Variants in KCNQ5 observed in about 807,000 individuals in gnomAD.
KCNQ5 encodes potassium voltage-gated channel subfamily Q member 5.
Under a neutral mutation model 98.2 loss-of-function variants are expected in KCNQ5, and 30 were observed. The ratio of observed to expected loss-of-function variants is 0.31; its 90% CI spans 0.23 to 0.41. The LOEUF is 0.41. Among genes scored for constraint, KCNQ5 ranks in the 10% least tolerant of loss-of-function variants. KCNQ5 has a pLI of 1.00. For missense variants in KCNQ5, 835 were observed against 1,182.5 expected (o/e 0.71, Z 4.31); for synonymous variants, 458 against 449.4 (o/e 1.02, Z -0.24).
At chr6:72,779,853 G>GTGTGTGTGTATGTGTGTA (rs1773368006) in intron 1 of KCNQ5, among the ~76,000 whole-genome samples, 1 of 147,652 alleles carries the variant, frequency 6.8e-6, no homozygotes, top group African/African-American at 2.5e-5. Context: ...GTGTGTGTGT[G>GTGTGTGTGTATGTGTGTA]TGTGTGTGTG....
intron 2 of KCNQ5, among the ~76,000 whole-genome samples, chr6:73,041,327 C>A (rs187197383): frequency 6.6e-6 from 1 of 152,190 alleles, no homozygotes; most frequent in Non-Finnish European, 1.5e-5. Flanking sequence ...TAATAATTAA[C>A]AAGCTTCAGA....
chr6:72,930,971 T>C, intron 1 of KCNQ5, among the ~76,000 whole-genome samples: 1 of 152,204 alleles, frequency 6.6e-6, no homozygotes, highest in East Asian at 1.9e-4. Context: ...CATTGAACTT[T>C]TACGTTTGTT....
intron 4 of KCNQ5, 109 bp from the exon 5 acceptor site, chr6:73,077,653 A>T: frequency 2.4e-6 from 3 of 1,270,290 alleles, no homozygotes; most frequent in Non-Finnish European, 3.2e-6. Context: ...TTTAAGAGCC[A>T]TCATAAACAT....
At chr6:73,062,199 A>G (rs1222930856) in intron 3 of KCNQ5, among the ~76,000 whole-genome samples, 8 of 152,170 alleles carry the variant, frequency 5.3e-5, no homozygotes, top group Non-Finnish European at 8.8e-5. Context: ...TTATGGCTTC[A>G]TCTATGTTTC....
intron 1 of KCNQ5, among the ~76,000 whole-genome samples, chr6:72,919,692 T>C (rs2150215347): frequency 6.6e-6 from 1 of 152,252 alleles, no homozygotes; most frequent in Non-Finnish European, 1.5e-5. Context: ...GTAAAAAATA[T>C]AACTTCAGGA....
intron 1 of KCNQ5, among the ~76,000 whole-genome samples, chr6:72,999,079 T>TG (rs1428183082): frequency 6.6e-6 from 1 of 152,226 alleles, no homozygotes; most frequent in Non-Finnish European, 1.5e-5. Flanking sequence ...AGAGCTTTTC[T>TG]GAATGTTTTA....
chr6:73,088,559 TCA>T (rs1774089323), intron 5 of KCNQ5, among the ~76,000 whole-genome samples: 1 of 152,220 alleles, frequency 6.6e-6, no homozygotes, highest in South Asian at 2.1e-4. Context: ...TTTTGTAATC[TCA>T]GTTATGCACA....
At chr6:72,690,854 C>T (rs1019392721) in intron 1 of KCNQ5, among the ~76,000 whole-genome samples, 1 of 151,602 alleles carries the variant, frequency 6.6e-6, no homozygotes, top group African/African-American at 2.4e-5. Flanking sequence ...TTTAGAATAC[C>T]ATATATAAAT....
At chr6:73,055,067 T>G (rs929141978) in intron 3 of KCNQ5, 6 of 650,710 alleles carry the variant, frequency 9.2e-6, no homozygotes. Context: ...GAGAGCCAAA[T>G]CAAGAATGCT....
At chr6:73,145,215 A>G (rs1776875516) in intron 10 of KCNQ5, among the ~76,000 whole-genome samples, 1 of 152,210 alleles carries the variant, frequency 6.6e-6, no homozygotes, top group African/African-American at 2.4e-5. Context: ...TTGGCTAGAC[A>G]TTTTCTATGA....
intron 1 of KCNQ5, among the ~76,000 whole-genome samples, chr6:72,902,351 C>T (rs774283586): frequency 3.9e-5 from 6 of 152,096 alleles, no homozygotes; most frequent in Non-Finnish European, 5.9e-5. Context: ...CTTGTCTGAT[C>T]GCTCTGGCTA....
At chr6:72,928,847 A>T (rs1255409935) in intron 1 of KCNQ5, among the ~76,000 whole-genome samples, 1 of 152,038 alleles carries the variant, frequency 6.6e-6, no homozygotes, top group African/African-American at 2.4e-5. Context: ...TAAGCTCTTT[A>T]TTTTTTATTC....
chr6:72,983,019 T>C (rs938559387), intron 1 of KCNQ5, among the ~76,000 whole-genome samples: 1 of 152,224 alleles, frequency 6.6e-6, no homozygotes, highest in Admixed American at 6.5e-5. Flanking sequence ...TCTGGCTTGT[T>C]GAGTTTCTGC....
intron 1 of KCNQ5, among the ~76,000 whole-genome samples, chr6:72,962,206 T>C (rs912034181): frequency 3.9e-5 from 5 of 128,144 alleles, no homozygotes; most frequent in African/African-American, 1.1e-4. Flanking sequence ...TATATACATA[T>C]ATATATATAT....
intron 10 of KCNQ5, among the ~76,000 whole-genome samples, chr6:73,137,749 T>C (rs1776531098): frequency 6.6e-6 from 1 of 152,192 alleles, no homozygotes. Context: ...GCCCAAGGTC[T>C]AGCAGGTATA....
At chr6:73,098,523 C>A (rs957624075) in intron 5 of KCNQ5, among the ~76,000 whole-genome samples, 1 of 152,132 alleles carries the variant, frequency 6.6e-6, no homozygotes, top group Non-Finnish European at 1.5e-5. Context: ...AAATAAATAA[C>A]GTGCAATGGA....
intron 1 of KCNQ5, among the ~76,000 whole-genome samples, chr6:72,647,998 ATGTATGTAACAAACCCAC>A (rs1582041804): frequency 3.3e-5 from 5 of 152,194 alleles, no homozygotes; most frequent in Admixed American, 3.3e-4. Flanking sequence ...GGATTAGAAC[ATGTATGTAACAAACCCAC>A]TCCCAGGGAA....
intron 2 of KCNQ5, among the ~76,000 whole-genome samples, chr6:73,025,226 A>G (rs752814186): frequency 1.3e-5 from 2 of 152,246 alleles, no homozygotes; most frequent in Non-Finnish European, 2.9e-5. Context: ...AAGGATGGCA[A>G]TTTTACCAAA....
chr6:73,126,305 G>A (rs905508458), intron 9 of KCNQ5, among the ~76,000 whole-genome samples: 1 of 152,174 alleles, frequency 6.6e-6, no homozygotes, highest in Non-Finnish European at 1.5e-5. Context: ...ACCTAAAAGA[G>A]AAGTTTGTAA....
Sources: allele counts gnomAD v4.1 joint callset (sites outside exome capture counted in the v4.1 genomes callset), GRCh38; gene constraint gnomAD v4.1.1; transcripts MANE v1.5; gene names NCBI Gene and HGNC (gene_info 2026-07-23, HGNC 2026-07-21).